Variants in PDE4B observed in about 807,000 individuals in gnomAD.
The protein encoded by PDE4B is 3',5'-cyclic-AMP phosphodiesterase 4B.
In PDE4B, 20 loss-of-function variants were observed where a neutral mutation model predicts 82.2. The ratio of observed to expected loss-of-function variants is 0.24; its 90% CI spans 0.17 to 0.35. The LOEUF is 0.35. Among genes scored for constraint, PDE4B ranks in the 10% least tolerant of loss-of-function variants. PDE4B has a pLI of 1.00. For missense variants in PDE4B, 655 were observed against 907.2 expected (o/e 0.72, Z 3.57); for synonymous variants, 320 against 318.9 (o/e 1.00, Z -0.04).
At chr1:65,868,935 C>T (rs776444221) in intron 1 of PDE4B, among the ~76,000 whole-genome samples, 5 of 152,186 alleles carry the variant, frequency 3.3e-5, no homozygotes, top group Non-Finnish European at 5.9e-5. Context: ...CCCACCACCC[C>T]GTCTGTGGAA....
At chr1:65,981,939 C>T (rs1650711889) in intron 3 of PDE4B, among the ~76,000 whole-genome samples, 1 of 152,114 alleles carries the variant, frequency 6.6e-6, no homozygotes, top group African/African-American at 2.4e-5. Context: ...GCTCCCAGAA[C>T]TGTGAGACAA....
At chr1:66,237,268 C>T (rs1186398710) in intron 3 of PDE4B, among the ~76,000 whole-genome samples, 1 of 152,150 alleles carries the variant, frequency 6.6e-6, no homozygotes, top group Non-Finnish European at 1.5e-5. Context: ...CTGACATAAA[C>T]ACTATTAAGT....
chr1:66,254,389 CT>C (rs1443767470), intron 4 of PDE4B, among the ~76,000 whole-genome samples: 1 of 152,188 alleles, frequency 6.6e-6, no homozygotes, highest in East Asian at 1.9e-4. Flanking sequence ...ACAACTGCTC[CT>C]GTCTTGATTA....
At chr1:66,286,748 G>A (rs543396073) in intron 7 of PDE4B, among the ~76,000 whole-genome samples, 5 of 152,244 alleles carry the variant, frequency 3.3e-5, no homozygotes, top group Admixed American at 6.5e-5. Context: ...GGATGGGGTC[G>A]TGAGGGAGCT....
intron 3 of PDE4B, among the ~76,000 whole-genome samples, chr1:66,206,598 A>G (rs1649575628): frequency 6.6e-6 from 1 of 152,204 alleles, no homozygotes; most frequent in South Asian, 2.1e-4. Context: ...CACATACTAT[A>G]ATGACCTTCA....
At chr1:66,199,575 AT>A (rs967621933) in intron 3 of PDE4B, among the ~76,000 whole-genome samples, 2 of 151,838 alleles carry the variant, frequency 1.3e-5, no homozygotes, top group African/African-American at 4.8e-5. Context: ...GTTGCCTCCC[AT>A]TTTGTAGGTT....
chr1:65,912,258 C>T (rs4655808), intron 1 of PDE4B, among the ~76,000 whole-genome samples: 24,676 of 152,052 alleles, frequency 0.16, 2,309 homozygotes, highest in Middle Eastern at 0.3. Context: ...TTATTTTAGA[C>T]TTAGTGGGTA....
chr1:66,207,923 CT>C (rs1649692452), intron 3 of PDE4B, among the ~76,000 whole-genome samples: 1 of 152,166 alleles, frequency 6.6e-6, no homozygotes, highest in Non-Finnish European at 1.5e-5. Context: ...GTTTATCCTC[CT>C]TATATTTTAT....
At position 65,918,701 on chromosome 1, in the gene PDE4B, C is replaced by G; in HGVS notation, c.147C>G (p.Asn49Lys). 1 of 1,613,504 alleles carries G rather than the reference C, an allele frequency of 6.2e-7. No homozygotes were observed. Among genetic ancestry groups the G allele is most frequent in the South Asian group, 1.1e-5 (1 of 91,076 alleles). Residue 49 changes from asparagine to lysine, a missense_variant, in exon 3 of 17, where the codon AAC becomes AAG. Coordinates refer to ENST00000341517, the MANE Select transcript of PDE4B (RefSeq NM_002600.4). The stretch of plus-strand genomic sequence containing the variant: ...GAGGGAGAAGGTGTTGCTCAGGAAA[C>G]TTACAGTTACCACCACTGTCTCAAA... ...LWRGRRCCSGNLQLPPLSQRQ... is the reference protein window; with the variant it reads ...LWRGRRCCSGKLQLPPLSQRQ...
chr1:66,308,447 C>T (rs1044882318), intron 7 of PDE4B, among the ~76,000 whole-genome samples: 1 of 152,104 alleles, frequency 6.6e-6, no homozygotes, highest in African/African-American at 2.4e-5. Context: ...ACTACCCAGA[C>T]CAAAAGAACA....
intron 1 of PDE4B, among the ~76,000 whole-genome samples, chr1:65,805,327 G>C (rs1260784672): frequency 2.0e-5 from 3 of 152,162 alleles, no homozygotes; most frequent in Admixed American, 1.3e-4. Context: ...CATTCTGACA[G>C]AGCATGGTGG....
intron 5 of PDE4B, 48 bp from the exon 6 acceptor site, chr1:66,257,745 C>A: frequency 1.2e-6 from 2 of 1,603,522 alleles, no homozygotes; most frequent in Non-Finnish European, 1.7e-6. Context: ...CTGAACCTGG[C>A]CATTTGTCTT....
intron 7 of PDE4B, among the ~76,000 whole-genome samples, chr1:66,309,563 C>T (rs923371865): frequency 7.2e-5 from 11 of 152,148 alleles, no homozygotes; most frequent in African/African-American, 2.4e-4. Flanking sequence ...TACCCAGATA[C>T]GTAGCACCAC....
At chr1:65,830,443 A>G (rs1478549454) in intron 1 of PDE4B, among the ~76,000 whole-genome samples, 2 of 152,152 alleles carry the variant, frequency 1.3e-5, no homozygotes, top group Admixed American at 6.6e-5. Context: ...TCTCATAAAC[A>G]CTGACTTGCC....
intron 3 of PDE4B, among the ~76,000 whole-genome samples, chr1:66,002,087 A>G (rs1025312488): frequency 1.1e-4 from 16 of 152,090 alleles, no homozygotes; most frequent in Admixed American, 3.9e-4. Context: ...GTCCCACTTT[A>G]TAGTCTTACT....
At chr1:66,274,762 T>C (rs1351674728) in intron 7 of PDE4B, among the ~76,000 whole-genome samples, 1 of 152,198 alleles carries the variant, frequency 6.6e-6, no homozygotes, top group East Asian at 1.9e-4. Context: ...ATTAGTGTTA[T>C]ATAACATGAC....
chr1:66,079,196 C>G lies in PDE4B; in HGVS notation c.281+160361C>G, dbSNP rs2503227. Among the ~76,000 whole-genome samples, 1,074 of 136,946 alleles carry G rather than the reference C, an allele frequency of 7.8e-3. 15 individuals carry two copies. Among genetic ancestry groups the G allele is most frequent in the African/African-American group, 0.023 (901 of 38,860 alleles). The allele number at this position is 136,946 out of a possible 152,430, so 89.8% of individuals were successfully genotyped here. ...TCTCTCTCTCTCTCTCTCTCTCTCT[C>G]TCTCTGTCTCTGTCTCTTGGTCTCT... On this transcript the variant is annotated intron_variant, in intron 3 of 16. Coordinates refer to ENST00000341517, the MANE Select transcript of PDE4B (RefSeq NM_002600.4).
At chr1:66,228,284 T>A (rs1327699370) in intron 3 of PDE4B, among the ~76,000 whole-genome samples, 1 of 152,186 alleles carries the variant, frequency 6.6e-6, no homozygotes, top group Non-Finnish European at 1.5e-5. Flanking sequence ...AGTCAATTCT[T>A]CTATCAGTAA....
chr1:66,105,376 T>C, intron 3 of PDE4B, among the ~76,000 whole-genome samples: 1 of 152,042 alleles, frequency 6.6e-6, no homozygotes. Flanking sequence ...GGTAGCGTGA[T>C]GCCTCCAGCT....
Sources: allele counts gnomAD v4.1 joint callset (sites outside exome capture counted in the v4.1 genomes callset), GRCh38; gene constraint gnomAD v4.1.1; transcripts MANE v1.5; gene names NCBI Gene and HGNC (gene_info 2026-07-23, HGNC 2026-07-21).